Variants in ADGRA2 observed in about 807,000 individuals in gnomAD.
The protein encoded by ADGRA2 is adhesion G protein-coupled receptor A2, also known as G-protein coupled receptor 124.
In ADGRA2, 61 loss-of-function variants were observed where a neutral mutation model predicts 98.7. The observed-to-expected ratio is 0.62, with a 90% CI of 0.50 to 0.76. The LOEUF (loss-of-function observed/expected upper bound fraction) is 0.76, where lower values mean the gene tolerates loss of function less well. Ranked by LOEUF, ADGRA2 falls within the 30% of genes least tolerant of loss-of-function variation. The probability of loss-of-function intolerance (pLI) is 0.00; values close to 1 mark genes in which losing one functional copy is unlikely to be tolerated. For synonymous variants in ADGRA2, 858 were observed against 831.5 expected (o/e 1.03, Z -0.55); for missense variants, 1,712 against 1,860.0 (o/e 0.92, Z 1.46).
Position 37,830,821 on chromosome 8 carries a change from C to T in ADGRA2, c.830C>T (p.Thr277Ile), listed in dbSNP as rs1389289699. 7.5e-6 allele frequency: 12 copies of T among 1,590,638 alleles called. No homozygotes were observed. The highest frequency in any genetic ancestry group is 1.0e-5 in the Non-Finnish European group (12 of 1,169,130). ...QCSASYLGND[T>I]RIRWYHNRAP... ...TCTGCCAGCTACCTGGGCAACGACA[C>T]CCGCATCCGCTGGTACCACAACCGA... The change falls in exon 7 of 19, where the codon ACC becomes ATC. Residue 277 changes from threonine to isoleucine, a missense_variant. Physicochemically the swap from Thr to Ile is moderately conservative, Grantham distance 89. Transcript: ENST00000412232. The surrounding 1 kb of genome is among the most constrained non-coding windows in gnomAD (Gnocchi z 4.8).
At position 37,842,439 on chromosome 8, in the gene ADGRA2, C is replaced by T. The variant is rs998407264; in HGVS notation, c.*84C>T. Reference sequence around the variant, plus strand: ...GGGCCCTCCAAGGTGTCTCCGTAGTCAGCAGGTTGGAGGCAGAGGAGCCGA... The same window carrying T: ...GGGCCCTCCAAGGTGTCTCCGTAGTTAGCAGGTTGGAGGCAGAGGAGCCGA... On this transcript the variant is annotated 3_prime_UTR_variant, in exon 19 of 19. Coordinates refer to ENST00000412232, the MANE Select transcript of ADGRA2 (RefSeq NM_032777.10). 18 of 1,388,844 alleles carry T rather than the reference C, an allele frequency of 1.3e-5. No individual in the cohort carries two copies. Among genetic ancestry groups the T allele is most frequent in the Non-Finnish European group, 1.6e-5 (17 of 1,071,538 alleles). 86.0% of individuals were successfully genotyped at this position (1,388,844 alleles called of 1,614,324 possible).
chr8:37,804,130 C>CACAT (rs1554522475), intron 1 of ADGRA2, among the ~76,000 whole-genome samples: 54 of 148,696 alleles, frequency 3.6e-4, no homozygotes, highest in African/African-American at 1.2e-3. Context: ...CACACACACA[C>CACAT]ACACACACAC....
chr8:37,826,096 C>A (rs995425990), intron 2 of ADGRA2, among the ~76,000 whole-genome samples: 1 of 148,382 alleles, frequency 6.7e-6, no homozygotes, highest in African/African-American at 2.5e-5. Context: ...TGAGGGGGCC[C>A]GGGGAGGAAA....
chr8:37,814,257 C>T lies in ADGRA2; in HGVS notation c.267-639C>T, dbSNP rs1388077902. On this transcript the variant is annotated intron_variant, in intron 1 of 18. Transcript: ENST00000412232. This position sits in a 1 kb window ranked among gnomAD's most constrained non-coding sequence, Gnocchi z 4.3. ...CGAATAAATAAACAGAACCCCGAGG[C>T]GCAGAGGCTGAGGCTGAGGCCTGGC... Among the ~76,000 whole-genome samples the T allele has an allele frequency of 6.6e-6, 1 of 152,170 alleles. No homozygotes were observed. Among genetic ancestry groups the T allele is most frequent in the Non-Finnish European group, 1.5e-5 (1 of 68,022 alleles).
At chr8:37,835,009 C>T (rs1406160103) in intron 11 of ADGRA2, among the ~76,000 whole-genome samples, 165 bp from the exon 12 acceptor site, 1 of 148,344 alleles carries the variant, frequency 6.7e-6, no homozygotes, top group Non-Finnish European at 1.5e-5. Context: ...GGTGACATAG[C>T]AAGAATCTGT....
chr8:37,810,515 A>G (rs1254742553), intron 1 of ADGRA2, among the ~76,000 whole-genome samples: 1 of 151,994 alleles, frequency 6.6e-6, no homozygotes, highest in East Asian at 1.9e-4. Context: ...CTCTCAAAAA[A>G]AAAGAAAAGA....
chr8:37,806,566 G>A (rs1259622604), intron 1 of ADGRA2, among the ~76,000 whole-genome samples: 4 of 124,336 alleles, frequency 3.2e-5, no homozygotes, highest in African/African-American at 1.4e-4. Context: ...GTCTCACTCT[G>A]TCACCCAGGC....
chr8:37,817,812 T>G (rs1351698701), intron 2 of ADGRA2, among the ~76,000 whole-genome samples: 1 of 152,020 alleles, frequency 6.6e-6, no homozygotes, highest in African/African-American at 2.4e-5. Flanking sequence ...AGGTTAGGAG[T>G]TCGAGACCAG....
At chr8:37,808,738 G>C (rs77747546) in intron 1 of ADGRA2, among the ~76,000 whole-genome samples, 4,481 of 152,214 alleles carry the variant, frequency 0.029, 78 homozygotes, top group East Asian at 0.088. Flanking sequence ...GATTTCTTTA[G>C]TTTAGAAGTT....
In ADGRA2 at chr8:37,835,588, CGA is replaced by C; in HGVS notation, c.1870_1871del (p.Leu625IlefsTer79). Reference sequence around the variant, plus strand: ...GCCCTGGCCTCCATCCAGCTGCCCCCGAGTCTATTCTCATCCCTTCCGGCTGC... The same window carrying C: ...GCCCTGGCCTCCATCCAGCTGCCCCCGTCTATTCTCATCCCTTCCGGCTGC... On this transcript the variant is annotated frameshift_variant, in exon 13 of 19. Transcript: ENST00000412232. LOFTEE classifies it high-confidence loss of function. 6.2e-7 allele frequency: 1 copy of C among 1,613,552 alleles called. No homozygotes were observed. The highest frequency in any genetic ancestry group is 8.5e-7 in the Non-Finnish European group (1 of 1,179,534).
At chr8:37,833,298 C>T (rs1270466210) in intron 9 of ADGRA2, 90 bp downstream of exon 9, 7 of 1,052,400 alleles carry the variant, frequency 6.7e-6, no homozygotes, top group African/African-American at 3.2e-5. Context: ...AGCCCTATCT[C>T]CGGGCCGCTG....
At chr8:37,829,429 C>T (rs1284951281) in intron 4 of ADGRA2, 59 bp from the exon 5 acceptor site, 5 of 1,540,424 alleles carry the variant, frequency 3.2e-6, no homozygotes, top group Admixed American at 1.7e-5. Flanking sequence ...CACCTGCTCT[C>T]CTCCGCCGGC....
chr8:37,842,226 G>A lies in ADGRA2; in HGVS notation c.3888G>A (p.Pro1296=), dbSNP rs867984950. The change falls in exon 19 of 19, where the codon CCG becomes CCA. Residue 1296 remains proline, a synonymous_variant. Coordinates refer to ENST00000412232, the MANE Select transcript of ADGRA2 (RefSeq NM_032777.10). ...AGGAGAGCCATCGCCGCTCGTACCC[G>A]CTCAACGCCGCCAGCCTAAACGGCG... ...LEKESHRRSY[P]LNAASLNGAP... The A allele has an allele frequency of 9.0e-6, 14 of 1,548,312 alleles. No individual in the cohort carries two copies. The highest frequency in any genetic ancestry group is 1.7e-4 in the Middle Eastern group (1 of 5,972).
At chr8:37,837,642 C>A in intron 13 of ADGRA2, 89 bp from the exon 14 acceptor site, 3 of 1,102,962 alleles carry the variant, frequency 2.7e-6, no homozygotes, top group Non-Finnish European at 4.0e-6. Context: ...AGTACACACC[C>A]TGTCACTGCT....
chr8:37,806,410 T>C (rs1306803662), intron 1 of ADGRA2, among the ~76,000 whole-genome samples: 1 of 152,114 alleles, frequency 6.6e-6, no homozygotes, highest in Non-Finnish European at 1.5e-5. Context: ...CAAGGTATAC[T>C]GATTACCCCC....
At position 37,829,480 on chromosome 8, in the gene ADGRA2, C is replaced by T. The variant is rs1273578258; in HGVS notation, c.483-8C>T. The T allele has an allele frequency of 1.2e-6, 2 of 1,610,828 alleles. No homozygotes were observed. Among genetic ancestry groups the T allele is most frequent in the South Asian group, 2.2e-5 (2 of 91,026 alleles). On this transcript the variant is annotated splice_polypyrimidine_tract_variant and splice_region_variant and intron_variant, in intron 4 of 18. Coordinates refer to ENST00000412232, the MANE Select transcript of ADGRA2 (RefSeq NM_032777.10). ...GACCCCATCTCAGTTGTCCCCTGTTCCCTGCAGAAACATATCTGGAAACAT... is the reference window on the plus strand; with the variant it reads ...GACCCCATCTCAGTTGTCCCCTGTTTCCTGCAGAAACATATCTGGAAACAT...
chr8:37,806,143 C>A (rs1029643914), intron 1 of ADGRA2, among the ~76,000 whole-genome samples: 14 of 152,176 alleles, frequency 9.2e-5, no homozygotes, highest in African/African-American at 3.4e-4. Flanking sequence ...GACACAGACA[C>A]ACACATAGAT....
chr8:37,826,327 G>A (rs1005119468), intron 2 of ADGRA2, among the ~76,000 whole-genome samples: 5 of 152,066 alleles, frequency 3.3e-5, no homozygotes, highest in South Asian at 2.1e-4. Context: ...GGGGTCTGGC[G>A]GCAAAACGGT....
Position 37,830,714 on chromosome 8 carries a change from G to T in ADGRA2, c.723G>T (p.Gly241=). Residue 241 remains glycine, a synonymous_variant, in exon 7 of 19, where the codon GGG becomes GGT. Transcript: ENST00000412232. The surrounding 1 kb of genome is among the most constrained non-coding windows in gnomAD (Gnocchi z 4.8). ...GCCTGGTGTCTCCTCCCACAGAGGGGGCCCTGGAGCTGCACACACACCACC... is the reference window on the plus strand; with the variant it reads ...GCCTGGTGTCTCCTCCCACAGAGGGTGCCCTGGAGCTGCACACACACCACC... ...SLQEAQLCCE[G]ALELHTHHLI... 6.3e-7 allele frequency: 1 copy of T among 1,599,910 alleles called. No individual in the cohort carries two copies. The highest frequency in any genetic ancestry group is 8.5e-7 in the Non-Finnish European group (1 of 1,173,780).
Sources: allele counts gnomAD v4.1 joint callset (sites outside exome capture counted in the v4.1 genomes callset), GRCh38; gene constraint gnomAD v4.1.1; non-coding constraint Gnocchi (gnomAD v3.1); transcripts MANE v1.5; gene names NCBI Gene and HGNC (gene_info 2026-07-23, HGNC 2026-07-21).